Variants in KSR2 observed in about 807,000 individuals in gnomAD.
The protein encoded by KSR2 is kinase suppressor of ras 2.
KSR2 carries 25 observed loss-of-function variants against 107.8 expected under a neutral mutation model. The observed-to-expected ratio is 0.23, with a 90% CI of 0.17 to 0.32. The LOEUF is 0.32. KSR2 is among the 10% of genes least tolerant of loss of function. KSR2 has a pLI of 1.00. For synonymous variants in KSR2, 480 were observed against 507.0 expected, an observed-to-expected ratio of 0.95 and a Z score of 0.71; for missense variants, 887 against 1,268.9, an observed-to-expected ratio of 0.70 and a Z score of 4.57.
At chr12:117,935,743 G>A (rs1030614986) in intron 1 of KSR2, among the ~76,000 whole-genome samples, 1 of 152,174 alleles carries the variant, frequency 6.6e-6, no homozygotes, top group Non-Finnish European at 1.5e-5. Context: ...CTGGGCAACA[G>A]TGTGAGACTC....
At chr12:117,630,253 G>A (rs752015081) in intron 5 of KSR2, among the ~76,000 whole-genome samples, 1 of 152,216 alleles carries the variant, frequency 6.6e-6, no homozygotes, top group South Asian at 2.1e-4. Context: ...GTAGGTGCTC[G>A]ATGCTCAATT....
chr12:117,881,094 G>T (rs556504995), intron 1 of KSR2, among the ~76,000 whole-genome samples: 2 of 151,832 alleles, frequency 1.3e-5, no homozygotes, highest in Admixed American at 6.6e-5. Flanking sequence ...CCTTGTTTTT[G>T]TCATCTTTGC....
At chr12:117,679,259 G>A (rs73212002) in intron 4 of KSR2, among the ~76,000 whole-genome samples, 172 of 152,304 alleles carry the variant, frequency 1.1e-3, no homozygotes, top group African/African-American at 1.7e-3. Flanking sequence ...TGCACGGAGC[G>A]TTTCCTATGG....
chr12:117,966,791 A>T (rs982053413), intron 1 of KSR2, among the ~76,000 whole-genome samples: 1 of 152,088 alleles, frequency 6.6e-6, no homozygotes, highest in African/African-American at 2.4e-5. Context: ...CCCAAAGCGA[A>T]TCCGAGAAAA....
At chr12:117,632,218 CTTTTTTTTTTTTTTTT>C (rs544594793) in intron 5 of KSR2, among the ~76,000 whole-genome samples, 3 of 84,028 alleles carry the variant, frequency 3.6e-5, no homozygotes, top group African/African-American at 9.6e-5. Context: ...AGTCCTACTC[CTTTTTTTTTTTTTTTT>C]TTTTTTTTGA....
chr12:117,792,866 C>T (rs1017057990), intron 3 of KSR2, among the ~76,000 whole-genome samples: 5 of 152,178 alleles, frequency 3.3e-5, no homozygotes, highest in African/African-American at 7.2e-5. Flanking sequence ...TGTGTGCACA[C>T]ACACCAACAT....
intron 4 of KSR2, among the ~76,000 whole-genome samples, chr12:117,750,700 C>T (rs1888582138): frequency 8.9e-6 from 1 of 111,822 alleles, no homozygotes; most frequent in African/African-American, 3.6e-5. Flanking sequence ...CTGTTGCTAT[C>T]TTTATGTGCA....
chr12:117,746,390 A>C (rs1888404642), intron 4 of KSR2, among the ~76,000 whole-genome samples: 1 of 152,154 alleles, frequency 6.6e-6, no homozygotes, highest in African/African-American at 2.4e-5. Flanking sequence ...TGCAGAAAAC[A>C]GAAACTGGAC....
At chr12:117,876,619 C>T (rs966370956) in intron 1 of KSR2, among the ~76,000 whole-genome samples, 42 of 152,124 alleles carry the variant, frequency 2.8e-4, no homozygotes, top group African/African-American at 1.0e-3. Context: ...CTTACACGAT[C>T]CTTATAATTT....
At chr12:117,600,721 T>A (rs1880892878) in intron 5 of KSR2, among the ~76,000 whole-genome samples, 1 of 152,170 alleles carries the variant, frequency 6.6e-6, no homozygotes, top group South Asian at 2.1e-4. Context: ...TTTTCATGGG[T>A]GAATGCTTAG....
chr12:117,548,963 A>C (rs1877085564), intron 9 of KSR2, among the ~76,000 whole-genome samples: 1 of 152,216 alleles, frequency 6.6e-6, no homozygotes, highest in African/African-American at 2.4e-5. Context: ...GTGTGGAAGA[A>C]ATAAATGTGA....
chr12:117,710,837 C>T (rs1192641678), intron 4 of KSR2, among the ~76,000 whole-genome samples: 1 of 152,136 alleles, frequency 6.6e-6, no homozygotes, highest in Non-Finnish European at 1.5e-5. Context: ...ATTCCTCCCT[C>T]ACCATGTTTC....
chr12:117,868,719 TTTAA>T (rs1233054648), intron 1 of KSR2, among the ~76,000 whole-genome samples: 2 of 151,152 alleles, frequency 1.3e-5, no homozygotes, highest in African/African-American at 4.9e-5. Context: ...TTTAATTTAT[TTTAA>T]TTATTTAATA....
At chr12:117,686,215 A>AT (rs55772468) in intron 4 of KSR2, among the ~76,000 whole-genome samples, 809 of 77,982 alleles carry the variant, frequency 0.01, 28 homozygotes, top group Admixed American at 0.036. Context: ...CACCCAGCTA[A>AT]TTTTTTTTTT....
chr12:117,664,868 C>T (rs138930225), intron 5 of KSR2, among the ~76,000 whole-genome samples: 78 of 152,194 alleles, frequency 5.1e-4, no homozygotes, highest in African/African-American at 1.9e-3. Flanking sequence ...TGAGTCTTAA[C>T]TGAAATAGTG....
chr12:117,591,711 TA>T (rs562589540), intron 5 of KSR2, among the ~76,000 whole-genome samples: 3,045 of 142,292 alleles, frequency 0.021, 58 homozygotes, highest in African/African-American at 0.052. Flanking sequence ...CACCCCTGCT[TA>T]AAAAAAAAAA....
intron 5 of KSR2, among the ~76,000 whole-genome samples, chr12:117,656,030 G>A (rs993581244): frequency 2.0e-5 from 3 of 152,186 alleles, no homozygotes; most frequent in Non-Finnish European, 4.4e-5. Flanking sequence ...GCCTGCTGAA[G>A]GCAAACGGAA....
At chr12:117,921,244 G>A (rs1246617287) in intron 1 of KSR2, among the ~76,000 whole-genome samples, 1 of 152,090 alleles carries the variant, frequency 6.6e-6, no homozygotes, top group African/African-American at 2.4e-5. Flanking sequence ...TGCCTCCATG[G>A]CAGGCACATT....
intron 1 of KSR2, among the ~76,000 whole-genome samples, chr12:117,902,495 TAAAAAAAA>T (rs35386887): frequency 6.8e-5 from 7 of 102,500 alleles, no homozygotes; most frequent in African/African-American, 1.5e-4. Context: ...GACTCTGTCT[TAAAAAAAA>T]AAAAAAAAAA....
Sources: allele counts gnomAD v4.1 joint callset (sites outside exome capture counted in the v4.1 genomes callset), GRCh38; gene constraint gnomAD v4.1.1; transcripts MANE v1.5; gene names NCBI Gene and HGNC (gene_info 2026-07-23, HGNC 2026-07-21).